The following SPATA22 variants were observed in gnomAD, a reference collection of about 807,000 sequenced individuals.
The protein encoded by SPATA22 is spermatogenesis-associated protein 22.
In SPATA22, 29 loss-of-function variants were observed where a neutral mutation model predicts 47.8. The observed-to-expected ratio is 0.61, with a 90% CI of 0.45 to 0.83. SPATA22 has a LOEUF of 0.83. Ranked by LOEUF, SPATA22 falls within the 40% of genes least tolerant of loss-of-function variation. The pLI, the probability that SPATA22 is intolerant of heterozygous loss-of-function variation, is 0.00. For synonymous variants in SPATA22, 133 were observed against 140.9 expected (o/e 0.94, Z 0.40); for missense variants, 410 against 421.7 (o/e 0.97, Z 0.24).
chr17:3,452,096 A>C (rs183671820), intron 5 of SPATA22, among the ~76,000 whole-genome samples: 126 of 152,028 alleles, frequency 8.3e-4, no homozygotes, highest in African/African-American at 2.8e-3. Context: ...ACATACCAAA[A>C]CTTATGGGAA....
chr17:3,476,510 C>A, upstream of SPATA22: 1 of 968,690 alleles, frequency 1.0e-6, no homozygotes, highest in Non-Finnish European at 1.6e-6. Flanking sequence ...TACATGCAGT[C>A]GTATGTTGAA....
chr17:3,456,616 G>C (rs187558119), intron 5 of SPATA22, among the ~76,000 whole-genome samples: 4 of 152,252 alleles, frequency 2.6e-5, no homozygotes, highest in African/African-American at 9.6e-5. Context: ...TTCTACCAGA[G>C]GTACAAGGAA....
intron 3 of SPATA22, among the ~76,000 whole-genome samples, chr17:3,467,021 AATCT>A (rs1287307507): frequency 7.9e-5 from 12 of 152,198 alleles, no homozygotes; most frequent in African/African-American, 2.4e-4. Flanking sequence ...CACTTCCTAA[AATCT>A]ATCTTTTTTT....
At chr17:3,477,819 C>A (rs1477986349) in intron 1 of SPATA22, among the ~76,000 whole-genome samples, 2 of 151,988 alleles carry the variant, frequency 1.3e-5, no homozygotes, top group Admixed American at 6.6e-5. Flanking sequence ...GTGCCAGGTA[C>A]TGGGGGAGTA....
upstream of SPATA22, among the ~76,000 whole-genome samples, chr17:3,473,842 C>G (rs1304713214): frequency 6.7e-6 from 1 of 149,536 alleles, no homozygotes; most frequent in Non-Finnish European, 1.5e-5. Context: ...TCAGGCAACT[C>G]TATCCCACAA....
chr17:3,454,168 TAGAG>T (rs1411871680), intron 5 of SPATA22, among the ~76,000 whole-genome samples: 2 of 148,136 alleles, frequency 1.4e-5, no homozygotes, highest in Non-Finnish European at 3.0e-5. Context: ...ATGACCAAGA[TAGAG>T]AAAGGTCTAT....
chr17:3,448,668 G>T (rs1277118942), intron 6 of SPATA22, 139 bp downstream of exon 6: 3 of 624,286 alleles, frequency 4.8e-6, no homozygotes, highest in Non-Finnish European at 7.8e-6. Context: ...CCACTTCAAT[G>T]GAACTGAATA....
chr17:3,504,488 G>A (rs1187818229), intron 1 of SPATA22, among the ~76,000 whole-genome samples: 1 of 150,474 alleles, frequency 6.6e-6, no homozygotes, highest in Admixed American at 6.6e-5. Flanking sequence ...CCAAAGGACA[G>A]TGGAAGGAAA....
chr17:3,487,073 C>T (rs2318040), intron 1 of SPATA22, among the ~76,000 whole-genome samples: 7 of 150,878 alleles, frequency 4.6e-5, no homozygotes, highest in South Asian at 2.1e-4. Context: ...TGTGTGTGTG[C>T]GTGTGTGTGT....
At chr17:3,443,085 A>T in intron 8 of SPATA22, 89 bp downstream of exon 8, 2 of 915,034 alleles carry the variant, frequency 2.2e-6, no homozygotes, top group Non-Finnish European at 1.6e-6. Flanking sequence ...CTAAATTGTT[A>T]ACAGAATTTA....
At chr17:3,472,722 G>A (rs892901929), upstream of SPATA22, among the ~76,000 whole-genome samples, 1 of 152,206 alleles carries the variant, frequency 6.6e-6, no homozygotes, top group Non-Finnish European at 1.5e-5. Context: ...TGAAGACTGG[G>A]ATAGGGAAGG....
In SPATA22 at chr17:3,490,014, T is replaced by C. The variant is rs920963956; in HGVS notation, c.-73-20616A>G. ...AAGAATCTTCAAAACACAATGGTAA[T>C]TAGCAGAAAGCAAGTTGCAGACCAA... On this transcript the variant is annotated intron_variant, in intron 1 of 8. Coordinates refer to the SPATA22 transcript ENST00000541913. The surrounding 1 kb of genome is among the most constrained non-coding windows in gnomAD (Gnocchi z 4.6). 1.3e-5 allele frequency among the ~76,000 whole-genome samples: 2 copies of C among 152,208 alleles called. No homozygotes were observed. Among genetic ancestry groups the C allele is most frequent in the African/African-American group, 4.8e-5 (2 of 41,460 alleles).
chr17:3,467,446 T>C lies in SPATA22; in HGVS notation c.152A>G (p.Asp51Gly). Residue 51 changes from aspartate to glycine, a missense_variant, in exon 3 of 9, where the codon GAT becomes GGT. Transcript: ENST00000572969. ...SGISTPSDNYDFPPLPTDWAW... is the reference protein window; with the variant it reads ...SGISTPSDNYGFPPLPTDWAW... Reference sequence around the variant, plus strand: ...CTTACCTGTAGGTAGAGGAGGAAAATCATAATTGTCAGAAGGGGTACTGAT... The same window carrying C: ...CTTACCTGTAGGTAGAGGAGGAAAACCATAATTGTCAGAAGGGGTACTGAT... 6.2e-7 allele frequency: 1 copy of C among 1,601,306 alleles called. No homozygotes were observed. The highest frequency in any genetic ancestry group is 1.1e-5 in the South Asian group (1 of 87,034).
intron 5 of SPATA22, among the ~76,000 whole-genome samples, chr17:3,452,718 C>T (rs995113080): frequency 6.6e-6 from 1 of 151,860 alleles, no homozygotes; most frequent in South Asian, 2.1e-4. Context: ...CAATGGATTT[C>T]TCAGAAATAA....
At chr17:3,489,763 A>G (rs2073791105) in intron 1 of SPATA22, among the ~76,000 whole-genome samples, 1 of 152,176 alleles carries the variant, frequency 6.6e-6, no homozygotes, top group South Asian at 2.1e-4. Context: ...GTGAACATAT[A>G]AGTGAACATA....
At chr17:3,511,637 C>T (rs991820829) in intron 1 of SPATA22, 2 of 152,232 alleles carry the variant, frequency 1.3e-5, no homozygotes, top group Non-Finnish European at 2.9e-5. Flanking sequence ...GTCTTGCCAA[C>T]AAATTCCATC....
At chr17:3,480,452 T>A (rs2150745635) in intron 1 of SPATA22, among the ~76,000 whole-genome samples, 1 of 152,352 alleles carries the variant, frequency 6.6e-6, no homozygotes, top group East Asian at 1.9e-4. Flanking sequence ...AGCTGTCCTC[T>A]TGCGCTGAAT....
chr17:3,472,862 C>T (rs1375898237), upstream of SPATA22, among the ~76,000 whole-genome samples: 1 of 152,082 alleles, frequency 6.6e-6, no homozygotes, highest in Non-Finnish European at 1.5e-5. Flanking sequence ...TAGACTGAGA[C>T]CAGATAATAG....
chr17:3,453,003 G>A lies in SPATA22; in HGVS notation c.330-3854C>T, dbSNP rs2072900188. On this transcript the variant is annotated intron_variant, in intron 5 of 8. Transcript: ENST00000572969. ...TGAAATTCTTTCATAAAACAAGAGG[G>A]AATTCCACTTCCAAATTCATTTTAT... Among the ~76,000 whole-genome samples the A allele has an allele frequency of 2.0e-5, 3 of 152,128 alleles. No homozygotes were observed. The South Asian group carries it at 6.2e-4, about 32-fold the overall frequency.
Sources: gnomAD v4.1 joint callset for allele counts (sites outside exome capture counted in the v4.1 genomes callset) on GRCh38, gnomAD v4.1.1 for gene constraint, Gnocchi (gnomAD v3.1) non-coding constraint, MANE v1.5 for transcripts, NCBI Gene and HGNC (gene_info 2026-07-23, HGNC 2026-07-21) for gene names.